TMEM164: variants seen among roughly 807,000 people sequenced by gnomAD.
The protein encoded by TMEM164 is RP13-360B22.2.
Under a neutral mutation model 18.8 loss-of-function variants are expected in TMEM164, and 4 were observed. The observed-to-expected ratio is 0.21, with a 90% CI of 0.10 to 0.49. TMEM164 has a LOEUF of 0.49. Ranked by LOEUF, TMEM164 falls within the 20% of genes least tolerant of loss-of-function variation. TMEM164 has a pLI of 0.98. For missense variants in TMEM164, 108 were observed against 239.9 expected, an observed-to-expected ratio of 0.45 and a Z score of 3.63; for synonymous variants, 86 against 101.7, an observed-to-expected ratio of 0.85 and a Z score of 0.93.
chrX:110,017,593 G>A (rs750231005), intron 2 of TMEM164, among the ~76,000 whole-genome samples: 1 of 88,317 alleles, frequency 1.1e-5, no homozygotes, highest in South Asian at 6.5e-4. Flanking sequence ...TTTTGAGACG[G>A]AGTTTCACTC....
intron 5 of TMEM164, among the ~76,000 whole-genome samples, chrX:110,152,362 A>G (rs1189504761): frequency 9.1e-6 from 1 of 110,303 alleles, no homozygotes; most frequent in East Asian, 2.8e-4. Flanking sequence ...CTGAATTTTT[A>G]CCTTTCTATG....
chrX:110,049,821 G>A (rs1042705452), intron 2 of TMEM164, among the ~76,000 whole-genome samples: 3 of 111,482 alleles, frequency 2.7e-5, no homozygotes, highest in African/African-American at 9.8e-5. Context: ...TGACTGGGTG[G>A]AGAGGATGAC....
intron 4 of TMEM164, among the ~76,000 whole-genome samples, chrX:110,124,629 G>A (rs765826610): frequency 1.7e-3 from 192 of 111,781 alleles, no homozygotes; most frequent in African/African-American, 5.7e-3. Flanking sequence ...GAAAAACTTC[G>A]TAAGCTAGGA....
chrX:110,173,420 T>C lies in TMEM164; in HGVS notation c.863T>C (p.Leu288Ser). Residue 288 changes from leucine (L) to serine (S), a missense_variant, in exon 7 of 7, where the codon TTG becomes TCG. Leu to Ser is a moderately radical substitution (Grantham distance 145, BLOSUM62 -2). Transcript: ENST00000372068. ...CCCTTGTGTAAATATCTGCTGGATT[T>C]GCTCCGGCTTCCAGCCAAGAAAATA... is the stretch of plus-strand genomic sequence containing the variant. ...AGPLCKYLLDLLRLPAKKID is the reference protein window; with the variant it reads ...AGPLCKYLLDSLRLPAKKID The C allele has an allele frequency of 1.7e-6, 2 of 1,210,354 alleles. No homozygotes were observed. The highest frequency in any genetic ancestry group is 2.2e-6 in the Non-Finnish European group (2 of 895,271).
In TMEM164 at chrX:110,057,732, C is replaced by T. The variant is rs779884039; in HGVS notation, c.391-9615C>T. The stretch of plus-strand genomic sequence containing the variant: ...CTCACTGTGGTTTTCATTTGCATAT[C>T]CCCAATGATTAGTGATGTTGAGCAC... On this transcript the variant is annotated intron_variant, in intron 2 of 6. Transcript: ENST00000372068. Among the ~76,000 whole-genome samples the T allele has an allele frequency of 7.2e-5, 8 of 110,522 alleles. No homozygotes were observed. The East Asian group carries it at 2.0e-3, about 28-fold the overall frequency.
intron 4 of TMEM164, among the ~76,000 whole-genome samples, chrX:110,130,204 C>T (rs1303577427): frequency 9.0e-6 from 1 of 111,692 alleles, no homozygotes; most frequent in African/African-American, 3.3e-5. Flanking sequence ...GTCAAACCAT[C>T]ATGTGTTTGG....
At chrX:110,044,352 T>C (rs769272438) in intron 2 of TMEM164, among the ~76,000 whole-genome samples, 73 of 112,430 alleles carry the variant, frequency 6.5e-4, no homozygotes, top group African/African-American at 2.2e-3. Flanking sequence ...TACAACCTTT[T>C]AATTTCCCCT....
chrX:110,184,139 G>A (rs907806380), downstream of TMEM164, among the ~76,000 whole-genome samples: 2 of 110,436 alleles, frequency 1.8e-5, no homozygotes, highest in Non-Finnish European at 3.8e-5. Flanking sequence ...AGTGGGGTAG[G>A]CTGTGTGTGT....
At chrX:110,020,269 C>G (rs1933736287) in intron 2 of TMEM164, 1 of 528,477 alleles carries the variant, frequency 1.9e-6, no homozygotes, top group Admixed American at 9.0e-5. Context: ...TAAGTCTAGT[C>G]CAATCCCTTT....
At chrX:110,104,872 C>T (rs1479295323) in intron 3 of TMEM164, among the ~76,000 whole-genome samples, 1 of 110,839 alleles carries the variant, frequency 9.0e-6, no homozygotes, top group Non-Finnish European at 1.9e-5. Context: ...CCCCTAACCT[C>T]CACATTGTTC....
intron 2 of TMEM164, among the ~76,000 whole-genome samples, chrX:110,059,879 T>C (rs1343320533): frequency 1.8e-5 from 2 of 111,329 alleles, no homozygotes; most frequent in East Asian, 5.6e-4. Context: ...CACTGGATAC[T>C]TGGAGATCAG....
At chrX:110,165,781 A>T (rs996667883) in intron 5 of TMEM164, among the ~76,000 whole-genome samples, 1 of 111,795 alleles carries the variant, frequency 8.9e-6, no homozygotes, top group African/African-American at 3.3e-5. Context: ...TCAGTTACTG[A>T]AGCCATAGAC....
chrX:110,038,705 C>T (rs899078913), intron 2 of TMEM164, among the ~76,000 whole-genome samples: 12 of 109,798 alleles, frequency 1.1e-4, no homozygotes, highest in African/African-American at 4.0e-4. Context: ...CACCTTACCC[C>T]ACCATACCTC....
At chrX:110,138,492 G>A (rs776717263) in intron 4 of TMEM164, among the ~76,000 whole-genome samples, 1 of 111,759 alleles carries the variant, frequency 8.9e-6, no homozygotes, top group Admixed American at 9.5e-5. Context: ...TAGTGAGTGG[G>A]AGTAGCTATA....
At chrX:110,011,149 G>A (rs971709310) in intron 2 of TMEM164, among the ~76,000 whole-genome samples, 1 of 111,550 alleles carries the variant, frequency 9.0e-6, no homozygotes, top group African/African-American at 3.3e-5. Flanking sequence ...GAAATAAGAA[G>A]CAGTCATTGT....
At chrX:110,002,927 C>A (rs1368956573), upstream of TMEM164, among the ~76,000 whole-genome samples, 1 of 109,935 alleles carries the variant, frequency 9.1e-6, no homozygotes, top group Non-Finnish European at 1.9e-5. Flanking sequence ...CGCCTTCCCT[C>A]TGGCTTCCTC....
intron 3 of TMEM164, among the ~76,000 whole-genome samples, chrX:110,069,862 A>G (rs2065559595): frequency 8.9e-6 from 1 of 111,845 alleles, no homozygotes; most frequent in African/African-American, 3.3e-5. Context: ...GTTGTATTGG[A>G]ATAATATATT....
chrX:110,041,528 C>T (rs1935092080), intron 2 of TMEM164, among the ~76,000 whole-genome samples: 1 of 111,209 alleles, frequency 9.0e-6, no homozygotes, highest in Non-Finnish European at 1.9e-5. Context: ...GACTCCTGAG[C>T]CTAAGGTGTC....
chrX:110,018,275 T>C (rs895040098), intron 2 of TMEM164, among the ~76,000 whole-genome samples: 1 of 112,261 alleles, frequency 8.9e-6, no homozygotes, highest in African/African-American at 3.2e-5. Context: ...TAGTAGAGGT[T>C]AGTTCATCTT....
Sources: gnomAD v4.1 joint callset for allele counts (sites outside exome capture counted in the v4.1 genomes callset) on GRCh38, gnomAD v4.1.1 for gene constraint, MANE v1.5 for transcripts, NCBI Gene and HGNC (gene_info 2026-07-23, HGNC 2026-07-21) for gene names.